The following DDX59 variants were observed in gnomAD, a reference collection of about 807,000 sequenced individuals.
DDX59 encodes probable ATP-dependent RNA helicase DDX59.
In DDX59, 30 loss-of-function variants were observed where a neutral mutation model predicts 51.9. That is an observed-to-expected ratio of 0.58 (90% CI 0.43 to 0.78). The LOEUF (loss-of-function observed/expected upper bound fraction) is 0.78. Among genes scored for constraint, DDX59 ranks in the 30% least tolerant of loss-of-function variants. DDX59 has a pLI of 0.00. For synonymous variants in DDX59, 255 were observed against 253.3 expected (o/e 1.01, Z -0.06); for missense variants, 672 against 730.8 (o/e 0.92, Z 0.93).
intron 6 of DDX59, 89 bp downstream of exon 6, chr1:200,648,985 T>C (rs1661472437): frequency 1.5e-6 from 2 of 1,311,278 alleles, no homozygotes; most frequent in South Asian, 1.7e-5. Flanking sequence ...GAGGATCTGT[T>C]ATAAAAACCA....
At chr1:200,663,790 G>A (rs1662529367) in intron 3 of DDX59, 129 bp downstream of exon 3, 4 of 959,940 alleles carry the variant, frequency 4.2e-6, no homozygotes, top group Non-Finnish European at 5.6e-6. Flanking sequence ...AAAACCTAAG[G>A]CTTACTTGGT....
Position 200,648,515 on chromosome 1 carries a change from C to G in DDX59, c.1520G>C (p.Arg507Pro). ...CCTGACACTGATCAAGTCTAGGCCT[C>G]GTCCCAAGACTCCTGTGCTCACTAC... ...EVVVSTGVLGRGLDLISVRLV... is the reference protein window; with the variant it reads ...EVVVSTGVLGPGLDLISVRLV... Residue 507 changes from arginine (R) to proline (P), a missense_variant, in exon 7 of 8, where the codon CGA (arginine) becomes CCA (proline). By Grantham distance (103) the Arg-to-Pro change is moderately radical (BLOSUM62 -2). Coordinates refer to ENST00000331314, the MANE Select transcript of DDX59 (RefSeq NM_001031725.6). The G allele has an allele frequency of 4.3e-6, 7 of 1,614,058 alleles. No homozygotes were observed. The highest frequency in any genetic ancestry group is 5.9e-6 in the Non-Finnish European group (7 of 1,179,978).
At chr1:200,657,224 C>A (rs1662082401) in intron 4 of DDX59, among the ~76,000 whole-genome samples, 1 of 125,490 alleles carries the variant, frequency 8.0e-6, no homozygotes, top group South Asian at 2.6e-4. Flanking sequence ...GTACTCCAGT[C>A]TGGGTGACAG....
chr1:200,649,382 A>C (rs532583934), intron 5 of DDX59, among the ~76,000 whole-genome samples, 156 bp from the exon 6 acceptor site: 1 of 152,112 alleles, frequency 6.6e-6, no homozygotes, highest in African/African-American at 2.4e-5. Context: ...TAATCTCAGC[A>C]CTTTGGGAGA....
At chr1:200,663,258 A>C (rs751297187) in intron 3 of DDX59, among the ~76,000 whole-genome samples, 2 of 152,216 alleles carry the variant, frequency 1.3e-5, no homozygotes, top group Non-Finnish European at 2.9e-5. Flanking sequence ...CCGAGGACCC[A>C]GCTCCTGCAC....
At chr1:200,665,452 C>T (rs1662657746) in intron 2 of DDX59, among the ~76,000 whole-genome samples, 1 of 146,752 alleles carries the variant, frequency 6.8e-6, no homozygotes, top group African/African-American at 2.5e-5. Flanking sequence ...CATTGCACTC[C>T]AGCCTGGGCG....
rs188369576 is a variant in DDX59, at chr1:200,664,341, G to C, written c.805-255C>G. ...GAGAGGTGTCCACAGTAACCAAGGT[G>C]AGAAAACTGAAGGTTTGCTCCTAGT... On this transcript the variant is annotated intron_variant, in intron 2 of 7. Coordinates refer to ENST00000331314, the MANE Select transcript of DDX59 (RefSeq NM_001031725.6). Among the ~76,000 whole-genome samples the C allele has an allele frequency of 1.8e-4, 27 of 152,292 alleles. 1 individual carries two copies. The East Asian group carries it at 4.1e-3, about 23-fold the overall frequency.
chr1:200,667,430 C>A (rs1662843169), intron 1 of DDX59, among the ~76,000 whole-genome samples: 1 of 152,162 alleles, frequency 6.6e-6, no homozygotes, highest in African/African-American at 2.4e-5. Flanking sequence ...GTGAGGACAT[C>A]ATGACACTCT....
chr1:200,666,538 T>C lies in DDX59; in HGVS notation c.203A>G (p.Gln68Arg), dbSNP rs1381589354. The C allele has an allele frequency of 1.9e-6, 3 of 1,614,120 alleles. No homozygotes were observed. The highest frequency in any genetic ancestry group is 2.5e-6 in the Non-Finnish European group (3 of 1,180,054). The stretch of plus-strand genomic sequence containing the variant: ...ACTTACTGAATGAACCTCTGCCAAC[T>C]GGCCACCTGGGCTGGGGAAAGGGCA... ...ESCPFPSPGG[Q>R]LAEVHSVSPE... The change falls in exon 2 of 8, where the codon CAG becomes CGG. Residue 68 changes from glutamine (Q) to arginine (R), a missense_variant. Coordinates refer to ENST00000331314, the MANE Select transcript of DDX59 (RefSeq NM_001031725.6).
At position 200,666,258 on chromosome 1, in the gene DDX59, T is replaced by C; in HGVS notation, c.483A>G (p.Pro161=). The C allele has an allele frequency of 6.2e-7, 1 of 1,614,244 alleles. No homozygotes were observed. Among genetic ancestry groups the C allele is most frequent in the African/African-American group, 1.3e-5 (1 of 75,064 alleles). ...CTTTGTAGACATAGGAAGCATTCAG[T>C]GGAGACTCTGGCTCAGAATCAGCCT... The part of the protein sequence containing the change: ...PQKADSEPES[P]LNASYVYKEH... Residue 161 remains proline, a synonymous_variant, in exon 2 of 8, where the codon CCA becomes CCG. Transcript: ENST00000331314.
chr1:200,649,331 A>G, intron 5 of DDX59, 105 bp from the exon 6 acceptor site: 1 of 1,188,902 alleles, frequency 8.4e-7, no homozygotes, highest in Non-Finnish European at 1.2e-6. Context: ...AGATTTATAA[A>G]TATTGTTAAG....
chr1:200,659,485 G>A (rs1055292198), intron 3 of DDX59, among the ~76,000 whole-genome samples: 2 of 152,024 alleles, frequency 1.3e-5, no homozygotes, highest in Admixed American at 6.6e-5. Flanking sequence ...TAAATGGTAA[G>A]GAATGGGGAG....
intron 4 of DDX59, 145 bp downstream of exon 4, chr1:200,658,882 C>T (rs1662199600): frequency 1.6e-6 from 1 of 618,416 alleles, no homozygotes; most frequent in Non-Finnish European, 2.8e-6. Context: ...CAGTGCTACA[C>T]AGGAACCTGC....
In DDX59 at chr1:200,664,028, T is replaced by TGG; in HGVS notation, c.862_863insCC (p.Glu288AlafsTer8). The stretch of plus-strand genomic sequence containing the variant: ...ACTCATCAATTCTTTAGCTTGTCTC[T>TGG]CTATCTGAATGGCTAACTCTCTGGT... On this transcript the variant is annotated frameshift_variant, in exon 3 of 8. Transcript: ENST00000331314. LOFTEE classifies it high-confidence loss of function. 1 of 1,614,206 alleles carries TGG rather than the reference T, an allele frequency of 6.2e-7. No individual in the cohort carries two copies.
At chr1:200,649,272 T>C (rs1661496420) in intron 5 of DDX59, 46 bp from the exon 6 acceptor site, 1 of 1,467,998 alleles carries the variant, frequency 6.8e-7, no homozygotes, top group East Asian at 2.6e-5. Flanking sequence ...TATAAAATAA[T>C]TTACAATGGG....
intron 4 of DDX59, among the ~76,000 whole-genome samples, chr1:200,651,161 T>C (rs1049049817): frequency 1.3e-5 from 2 of 152,130 alleles, no homozygotes; most frequent in African/African-American, 4.8e-5. Flanking sequence ...CTGGAGGGCT[T>C]TAAGGGAGGC....
At chr1:200,662,419 C>T (rs910028642) in intron 3 of DDX59, among the ~76,000 whole-genome samples, 4 of 152,106 alleles carry the variant, frequency 2.6e-5, no homozygotes, top group Non-Finnish European at 4.4e-5. Context: ...CTTTGGGAGG[C>T]CGAGGCAGGT....
chr1:200,645,192 A>C (rs1661222485), intron 7 of DDX59, among the ~76,000 whole-genome samples: 1 of 152,232 alleles, frequency 6.6e-6, no homozygotes, highest in African/African-American at 2.4e-5. Flanking sequence ...AAGCCCCTGC[A>C]TTAAGAGCAA....
rs760253105 is a variant in DDX59, at chr1:200,664,053, T to G, written c.838A>C (p.Thr280Pro). The G allele has an allele frequency of 3.7e-6, 6 of 1,614,134 alleles. No homozygotes were observed. In the East Asian group the frequency reaches 1.3e-4, roughly 36 times the overall value. Residue 280 changes from threonine (T) to proline (P), a missense_variant, in exon 3 of 8, where the codon ACC becomes CCC. Thr to Pro is a conservative substitution (Grantham distance 38). Coordinates refer to ENST00000331314, the MANE Select transcript of DDX59 (RefSeq NM_001031725.6). ...KTPSALILTP[T>P]RELAIQIERQ... ...TCTATCTGAATGGCTAACTCTCTGG[T>G]TGGTGTAAGAATGAGCGCAGATGGA...
Sources: gnomAD v4.1 joint callset for allele counts (sites outside exome capture counted in the v4.1 genomes callset) on GRCh38, gnomAD v4.1.1 for gene constraint, MANE v1.5 for transcripts, NCBI Gene and HGNC (gene_info 2026-07-23, HGNC 2026-07-21) for gene names.